Variants in BCAS3 observed in about 807,000 individuals in gnomAD.
BCAS3 encodes the protein BCAS3 microtubule associated cell migration factor.
A neutral mutation model predicts 116.1 loss-of-function variants in BCAS3; 53 were observed. The observed-to-expected ratio is 0.46, with a 90% confidence interval of 0.37 to 0.57. The LOEUF (loss-of-function observed/expected upper bound fraction) is 0.57, where lower values mean the gene tolerates loss of function less well. BCAS3 is among the 20% of genes least tolerant of loss of function. The pLI is 0.00. For synonymous variants in BCAS3, 391 were observed against 408.2 expected, an observed-to-expected ratio of 0.96 and a Z score of 0.51; for missense variants, 917 against 1,165.4, an observed-to-expected ratio of 0.79 and a Z score of 3.10.
rs558951279 is a variant in BCAS3, at chr17:61,326,991, G to A, written c.2426-41336G>A. The stretch of plus-strand genomic sequence containing the variant: ...AAATATTTTTAAAGGAAATATAAAA[G>A]GGCAATAAAATTTTTAATTAAAAAA... On this transcript the variant is annotated intron_variant, in intron 22 of 23. Coordinates refer to ENST00000407086, the MANE Select transcript of BCAS3 (RefSeq NM_017679.5). This position sits in a 1 kb window ranked among gnomAD's most constrained non-coding sequence, Gnocchi z 5.3. 6.6e-6 allele frequency among the ~76,000 whole-genome samples: 1 copy of A among 152,228 alleles called. No homozygotes were observed. Among genetic ancestry groups the A allele is most frequent in the South Asian group, 2.1e-4 (1 of 4,818 alleles).
intron 16 of BCAS3, among the ~76,000 whole-genome samples, chr17:61,016,233 C>T (rs761636181): frequency 6.6e-6 from 1 of 152,162 alleles, no homozygotes; most frequent in Non-Finnish European, 1.5e-5. Context: ...CTGGCTCTTT[C>T]GGGATTTGAA....
At position 61,327,183 on chromosome 17, in the gene BCAS3, G is replaced by A. The variant is rs1602705983; in HGVS notation, c.2426-41144G>A. Among the ~76,000 whole-genome samples the A allele has an allele frequency of 6.6e-6, 1 of 151,954 alleles. No individual in the cohort carries two copies. The highest frequency in any genetic ancestry group is 1.9e-4 in the East Asian group (1 of 5,138). On this transcript the variant is annotated intron_variant, in intron 22 of 23. Coordinates refer to ENST00000407086, the MANE Select transcript of BCAS3 (RefSeq NM_017679.5). This position sits in a 1 kb window ranked among gnomAD's most constrained non-coding sequence, Gnocchi z 5.9. ...CTGGGTGTGGTGGCGGGCGCCTGTA[G>A]TCCCAGCTACTAGGGAGGCTGAGGC...
intron 21 of BCAS3, among the ~76,000 whole-genome samples, chr17:61,079,236 A>C (rs1792150559): frequency 6.6e-6 from 1 of 152,002 alleles, no homozygotes; most frequent in South Asian, 2.1e-4. Context: ...TTTAAAAAAA[A>C]CTCTATAGTA....
chr17:60,825,596 A>G (rs2144699955), intron 7 of BCAS3, among the ~76,000 whole-genome samples: 1 of 149,704 alleles, frequency 6.7e-6, no homozygotes, highest in South Asian at 2.1e-4. Context: ...TTTATAAATA[A>G]CAGTTCTGGA....
intron 4 of BCAS3, among the ~76,000 whole-genome samples, chr17:60,704,065 T>C (rs2036797992): frequency 6.7e-6 from 1 of 150,294 alleles, no homozygotes; most frequent in Non-Finnish European, 1.5e-5. Context: ...CAGAAAAGGG[T>C]GGTTTGATAA....
chr17:61,231,974 AGG>A, intron 22 of BCAS3, among the ~76,000 whole-genome samples: 1 of 151,672 alleles, frequency 6.6e-6, no homozygotes, highest in African/African-American at 2.4e-5. Context: ...TGGGAGGCCG[AGG>A]GGGGTGGATC....
At chr17:60,801,309 C>T (rs2047750759) in intron 6 of BCAS3, among the ~76,000 whole-genome samples, 1 of 151,944 alleles carries the variant, frequency 6.6e-6, no homozygotes, top group African/African-American at 2.4e-5. Context: ...TTCATGTGTC[C>T]ATGATAGTAT....
Position 60,949,178 on chromosome 17 carries a change from C to T in BCAS3, c.1221+1826C>T, listed in dbSNP as rs555219029. 3.9e-5 allele frequency among the ~76,000 whole-genome samples: 6 copies of T among 152,058 alleles called. No homozygotes were observed. The South Asian group carries it at 8.3e-4, about 21-fold the overall frequency. ...ACGTGAGCCACCGCGCCCAGCCTCA[C>T]GGAAATATTCTAACATAAAACTGGC... On this transcript the variant is annotated intron_variant, in intron 14 of 23. Coordinates refer to ENST00000407086, the MANE Select transcript of BCAS3 (RefSeq NM_017679.5).
chr17:60,892,847 G>A (rs895629473), intron 10 of BCAS3, among the ~76,000 whole-genome samples: 9 of 151,928 alleles, frequency 5.9e-5, no homozygotes, highest in Admixed American at 1.3e-4. Context: ...ACTTGAACCC[G>A]GGAGGTGGAG....
intron 22 of BCAS3, among the ~76,000 whole-genome samples, chr17:61,163,265 A>C (rs1351327053): frequency 6.6e-6 from 1 of 151,944 alleles, no homozygotes; most frequent in Non-Finnish European, 1.5e-5. Flanking sequence ...TCTACTAAAA[A>C]TACAAAAAAT....
Position 61,186,257 on chromosome 17 carries a change from T to C in BCAS3, c.2425+101693T>C, listed in dbSNP as rs901119193. 3.3e-5 allele frequency among the ~76,000 whole-genome samples: 5 copies of C among 152,200 alleles called. No individual in the cohort carries two copies. The highest frequency in any genetic ancestry group is 9.6e-5 in the African/African-American group (4 of 41,458). ...TAGCTTATTTATATATTCATACACA[T>C]TCTATAAAACCATTTTTAACCCATA... On this transcript the variant is annotated intron_variant, in intron 22 of 23. Coordinates refer to ENST00000407086, the MANE Select transcript of BCAS3 (RefSeq NM_017679.5). The surrounding 1 kb of genome is among the most constrained non-coding windows in gnomAD (Gnocchi z 4.9).
In BCAS3 at chr17:61,037,825, A is replaced by G. The variant is rs2067161087; in HGVS notation, c.1763-64A>G. The stretch of plus-strand genomic sequence containing the variant: ...CAGACTAATAAGATCATTAACTTGT[A>G]AAAATTATTCTGTGCTCCATTTATG... On this transcript the variant is annotated intron_variant, in intron 17 of 23. Coordinates refer to ENST00000407086, the MANE Select transcript of BCAS3 (RefSeq NM_017679.5). The surrounding 1 kb of genome is among the most constrained non-coding windows in gnomAD (Gnocchi z 4.7). 7.0e-7 allele frequency: 1 copy of G among 1,421,900 alleles called. No individual in the cohort carries two copies. The highest frequency in any genetic ancestry group is 9.6e-7 in the Non-Finnish European group (1 of 1,036,924). 88.1% of individuals were successfully genotyped at this position (1,421,900 alleles called of 1,614,324 possible).
chr17:60,907,433 G>C (rs1047259935), intron 11 of BCAS3, among the ~76,000 whole-genome samples: 1 of 152,178 alleles, frequency 6.6e-6, no homozygotes. Context: ...GCTTTTGTGA[G>C]AGCAGCACCA....
rs117537488 is a variant in BCAS3 at position 61,058,717 on chromosome 17, A to T, written c.2030-16203A>T. Among the ~76,000 whole-genome samples the T allele has an allele frequency of 6.3e-3, 957 of 152,290 alleles. 4 individuals carry two copies. Among genetic ancestry groups the T allele is most frequent in the Non-Finnish European group, 0.01 (699 of 68,024 alleles). On this transcript the variant is annotated intron_variant, in intron 19 of 23. Coordinates refer to ENST00000407086, the MANE Select transcript of BCAS3 (RefSeq NM_017679.5). ...TAAAGTAATTTTTCCCCATTGTTTG[A>T]TCACAGTATAGGTATCTCTGATCAG...
intron 22 of BCAS3, among the ~76,000 whole-genome samples, chr17:61,234,612 C>T (rs1358049340): frequency 6.6e-6 from 1 of 152,128 alleles, no homozygotes; most frequent in Non-Finnish European, 1.5e-5. Flanking sequence ...CAGATTAACA[C>T]CTACAGTTCC....
At chr17:60,940,986 T>G (rs2060192372) in intron 13 of BCAS3, among the ~76,000 whole-genome samples, 1 of 152,226 alleles carries the variant, frequency 6.6e-6, no homozygotes, top group African/African-American at 2.4e-5. Flanking sequence ...TGACGCCCAG[T>G]TGAAAAGACT....
At chr17:61,024,932 A>G (rs2066128299) in intron 16 of BCAS3, among the ~76,000 whole-genome samples, 1 of 152,234 alleles carries the variant, frequency 6.6e-6, no homozygotes, top group African/African-American at 2.4e-5. Context: ...GACTGCCCTG[A>G]GTAGGTACAA....
At chr17:61,043,358 ACT>A (rs1458119407) in intron 19 of BCAS3, among the ~76,000 whole-genome samples, 3 of 151,840 alleles carry the variant, frequency 2.0e-5, no homozygotes, top group Admixed American at 6.6e-5. Flanking sequence ...ACAAAGTGAA[ACT>A]CTGTCTCAAA....
At chr17:60,852,702 G>A (rs2053284180) in intron 7 of BCAS3, among the ~76,000 whole-genome samples, 1 of 152,152 alleles carries the variant, frequency 6.6e-6, no homozygotes, top group Admixed American at 6.5e-5. Context: ...TATGAAAGAT[G>A]CTCAATAATG....
Sources: allele counts gnomAD v4.1 joint callset (sites outside exome capture counted in the v4.1 genomes callset), GRCh38; gene constraint gnomAD v4.1.1; non-coding constraint Gnocchi (gnomAD v3.1); transcripts MANE v1.5; gene names NCBI Gene and HGNC (gene_info 2026-07-23, HGNC 2026-07-21).